CLVS1: variants seen among roughly 807,000 people sequenced by gnomAD.
CLVS1 encodes clavesin 1, also known as clavesin-1.
CLVS1 carries 10 observed loss-of-function variants against 33.1 expected under a neutral mutation model. The observed-to-expected ratio is 0.30, with a 90% CI of 0.19 to 0.51. The LOEUF (loss-of-function observed/expected upper bound fraction) is 0.51. Ranked by LOEUF, CLVS1 falls within the 20% of genes least tolerant of loss-of-function variation. The pLI is 0.97. For synonymous variants in CLVS1, 163 were observed against 166.1 expected (o/e 0.98, Z 0.14); for missense variants, 343 against 433.4 (o/e 0.79, Z 1.85).
chr8:61,147,302 C>G (rs1806440611), intron 2 of CLVS1, among the ~76,000 whole-genome samples: 1 of 152,146 alleles, frequency 6.6e-6, no homozygotes, highest in East Asian at 1.9e-4. Flanking sequence ...ACAGAACAGC[C>G]AAGAGATTTT....
chr8:61,369,323 T>C (rs1022299183), intron 2 of CLVS1, among the ~76,000 whole-genome samples: 9 of 152,362 alleles, frequency 5.9e-5, no homozygotes, highest in African/African-American at 2.2e-4. Context: ...TTTTTTTTCT[T>C]TCTCCTTGAT....
rs1394052537 is a variant in CLVS1 at position 61,299,781 on chromosome 8, G to A, written c.-47G>A. On this transcript the variant is annotated 5_prime_UTR_variant, in exon 2 of 6. Coordinates refer to ENST00000325897, the MANE Select transcript of CLVS1 (RefSeq NM_173519.3). ...TTGTCTGTTCCGGGGCAGCCTGGTAGTAAAACACTGTTGAATGGGCCACAG... is the reference window on the plus strand; with the variant it reads ...TTGTCTGTTCCGGGGCAGCCTGGTAATAAAACACTGTTGAATGGGCCACAG... 7.0e-7 allele frequency: 1 copy of A among 1,437,832 alleles called. No homozygotes were observed. Among genetic ancestry groups the A allele is most frequent in the South Asian group, 1.3e-5 (1 of 78,286 alleles). The allele number at this position is 1,437,832 out of a possible 1,614,324, so 89.1% of individuals were successfully genotyped here.
chr8:61,257,534 G>C (rs1809109515), intron 2 of CLVS1, among the ~76,000 whole-genome samples: 1 of 152,168 alleles, frequency 6.6e-6, no homozygotes. Context: ...TTTAAAGACG[G>C]AGTGGTAAGA....
chr8:61,459,882 TTTCTCCTGAGGC>T (rs1329260474), intron 5 of CLVS1, among the ~76,000 whole-genome samples: 1 of 152,164 alleles, frequency 6.6e-6, no homozygotes, highest in Non-Finnish European at 1.5e-5. Context: ...GCAAGGTTGG[TTTCTCCTGAGGC>T]CTCTCTCCTT....
chr8:61,285,311 C>G (rs185530328), upstream of CLVS1, among the ~76,000 whole-genome samples: 102 of 152,292 alleles, frequency 6.7e-4, no homozygotes, highest in Non-Finnish European at 1.3e-3. Context: ...AATGTCATTG[C>G]AAAGGAAACT....
At chr8:61,270,971 G>A (rs1196771025) in intron 2 of CLVS1, among the ~76,000 whole-genome samples, 50 of 150,844 alleles carry the variant, frequency 3.3e-4, no homozygotes, top group African/African-American at 1.2e-3. Context: ...ACCAGCTCCT[G>A]GATTCATTAA....
At chr8:61,482,905 C>A (rs994728321) in intron 5 of CLVS1, among the ~76,000 whole-genome samples, 30 of 152,248 alleles carry the variant, frequency 2.0e-4, no homozygotes, top group Non-Finnish European at 3.2e-4. Context: ...AGAACAAAGA[C>A]ACAACATACC....
intron 3 of CLVS1, among the ~76,000 whole-genome samples, chr8:61,434,620 A>G (rs1436805532): frequency 6.6e-6 from 1 of 152,236 alleles, no homozygotes; most frequent in Admixed American, 6.5e-5. Context: ...CAGGCTATAA[A>G]TAAATTTGAA....
At chr8:61,261,036 G>T (rs2919317) in intron 2 of CLVS1, among the ~76,000 whole-genome samples, 41,521 of 152,078 alleles carry the variant, frequency 0.27, 6,652 homozygotes, top group Non-Finnish European at 0.35. Context: ...ATATTTTAAA[G>T]AGACACCTGA....
the CLVS1 span, among the ~76,000 whole-genome samples, chr8:61,011,306 A>G: frequency 6.6e-6 from 1 of 152,134 alleles, no homozygotes; most frequent in Non-Finnish European, 1.5e-5. Context: ...GTCTCAGGAA[A>G]TAATAGTTAA....
chr8:61,020,266 C>T, the CLVS1 span, among the ~76,000 whole-genome samples: 2 of 152,306 alleles, frequency 1.3e-5, no homozygotes, highest in Admixed American at 1.3e-4. Context: ...GAGAAGTAGC[C>T]TCAGTTCTAC....
At chr8:61,387,202 A>G (rs1238658406) in intron 3 of CLVS1, among the ~76,000 whole-genome samples, 1 of 152,146 alleles carries the variant, frequency 6.6e-6, no homozygotes, top group Admixed American at 6.5e-5. Flanking sequence ...AGCCTGGCCA[A>G]CATGGTGAAA....
At chr8:61,103,054 A>ATT (rs35599479) in intron 1 of CLVS1, among the ~76,000 whole-genome samples, 2 of 151,962 alleles carry the variant, frequency 1.3e-5, no homozygotes, top group African/African-American at 2.4e-5. Flanking sequence ...AGAATATCAA[A>ATT]TTTTTTTTAT....
the CLVS1 span, among the ~76,000 whole-genome samples, chr8:61,021,410 G>A: frequency 6.6e-6 from 1 of 152,172 alleles, no homozygotes; most frequent in Non-Finnish European, 1.5e-5. Context: ...GAGTGCAATG[G>A]CGCGATCTCA....
chr8:61,175,213 A>G (rs927808626), intron 2 of CLVS1, among the ~76,000 whole-genome samples: 6 of 152,236 alleles, frequency 3.9e-5, no homozygotes, highest in African/African-American at 1.4e-4. Flanking sequence ...TGATGGTGTT[A>G]GAAAGTGAGG....
chr8:61,103,183 G>A (rs1018114295), intron 1 of CLVS1, among the ~76,000 whole-genome samples: 7 of 152,204 alleles, frequency 4.6e-5, no homozygotes, highest in African/African-American at 1.7e-4. Flanking sequence ...CTTTGAGCCA[G>A]GACTGGGAGG....
chr8:61,286,310 G>A (rs1275818630), upstream of CLVS1, among the ~76,000 whole-genome samples: 1 of 152,092 alleles, frequency 6.6e-6, no homozygotes, highest in African/African-American at 2.4e-5. Context: ...GATATTAGAT[G>A]ATCAGCCAAT....
intron 2 of CLVS1, among the ~76,000 whole-genome samples, chr8:61,255,580 A>T (rs1470211119): frequency 6.6e-6 from 1 of 152,204 alleles, no homozygotes. Flanking sequence ...TATCTCCTTT[A>T]TGAGCTTCTC....
At chr8:61,169,223 G>A (rs1178168463) in intron 2 of CLVS1, among the ~76,000 whole-genome samples, 1 of 152,286 alleles carries the variant, frequency 6.6e-6, no homozygotes, top group East Asian at 1.9e-4. Flanking sequence ...ATACCCCAAA[G>A]TATGGTGCTT....
Sources: allele counts gnomAD v4.1 joint callset (sites outside exome capture counted in the v4.1 genomes callset), GRCh38; gene constraint gnomAD v4.1.1; transcripts MANE v1.5; gene names NCBI Gene and HGNC (gene_info 2026-07-23, HGNC 2026-07-21).